BLK: variants seen among roughly 807,000 people sequenced by gnomAD.
BLK encodes the protein tyrosine-protein kinase Blk.
In BLK, 64 loss-of-function variants were observed where a neutral mutation model predicts 61.8. The observed-to-expected ratio is 1.03, with a 90% confidence interval of 0.85 to 1.27. The LOEUF (loss-of-function observed/expected upper bound fraction) is 1.27. Ranked by LOEUF, BLK falls within the 50% of genes most tolerant of loss-of-function variation. The pLI, the probability that BLK is intolerant of heterozygous loss-of-function variation, is 0.00. For synonymous variants in BLK, 351 were observed against 272.0 expected, an observed-to-expected ratio of 1.29 and a Z score of -2.86; for missense variants, 853 against 660.5, an observed-to-expected ratio of 1.29 and a Z score of -3.19.
At chr8:11,525,963 G>A (rs1306341719) in intron 1 of BLK, among the ~76,000 whole-genome samples, 1 of 152,116 alleles carries the variant, frequency 6.6e-6, no homozygotes, top group Non-Finnish European at 1.5e-5. Context: ...ATTAGAGACA[G>A]GGTTTCACCA....
intron 6 of BLK, chr8:11,553,498 C>A (rs554773012): frequency 2.9e-6 from 1 of 340,258 alleles, no homozygotes; most frequent in Non-Finnish European, 5.9e-6. Flanking sequence ...AGTGAGGGGT[C>A]TAAAGCACCA....
chr8:11,564,023 A>G lies in BLK; in HGVS notation c.1433A>G (p.Glu478Gly), dbSNP rs1486585950. Residue 478 changes from glutamate (E) to glycine (G), a missense_variant, in exon 13 of 13, where the codon GAG (glutamate) becomes GGG (glycine). Physicochemically the swap from Glu to Gly is moderately conservative, Grantham distance 98 (BLOSUM62 -2). Coordinates refer to ENST00000259089, the MANE Select transcript of BLK (RefSeq NM_001715.3). ...VIAECWRSRP[E>G]ERPTFEFLQS... Reference sequence around the variant, plus strand: ...GCCGAGTGCTGGCGCAGCCGGCCCGAGGAGCGGCCCACCTTCGAGTTCCTG... The same window carrying G: ...GCCGAGTGCTGGCGCAGCCGGCCCGGGGAGCGGCCCACCTTCGAGTTCCTG... The G allele has an allele frequency of 6.2e-7, 1 of 1,604,894 alleles. No homozygotes were observed. The highest frequency in any genetic ancestry group is 8.5e-7 in the Non-Finnish European group (1 of 1,178,914).
At chr8:11,531,895 G>C (rs933048908) in intron 1 of BLK, among the ~76,000 whole-genome samples, 3 of 152,192 alleles carry the variant, frequency 2.0e-5, no homozygotes, top group Non-Finnish European at 4.4e-5. Context: ...GTCTCGCCCT[G>C]TTGCCCAGGC....
rs1801502169 is a variant in BLK at position 11,561,412 on chromosome 8, C to T, written c.1140C>T (p.Gly380=). ...EALCCKIADF[G]LARIIDSEYT... Reference sequence around the variant, plus strand: ...TGTGCTGCAAAATTGCTGATTTTGGCTTGGCTCGAATCATCGACAGTGAAT... The same window carrying T: ...TGTGCTGCAAAATTGCTGATTTTGGTTTGGCTCGAATCATCGACAGTGAAT... Residue 380 remains glycine, a synonymous_variant, in exon 11 of 13, where the codon GGC becomes GGT. Transcript: ENST00000259089. The T allele has an allele frequency of 1.2e-6, 2 of 1,613,840 alleles. No individual in the cohort carries two copies. The highest frequency in any genetic ancestry group is 1.7e-6 in the Non-Finnish European group (2 of 1,179,938).
chr8:11,534,098 G>C (rs2117393019), intron 1 of BLK, among the ~76,000 whole-genome samples: 1 of 152,318 alleles, frequency 6.6e-6, no homozygotes, highest in South Asian at 2.1e-4. Flanking sequence ...AGCACTGCTG[G>C]GGCTGGGGTT....
intron 10 of BLK, 136 bp from the exon 11 acceptor site, chr8:11,561,166 C>T: frequency 1.6e-6 from 2 of 1,263,034 alleles, no homozygotes; most frequent in Non-Finnish European, 2.2e-6. Context: ...AGGAGCAACA[C>T]AGTCACCTTT....
chr8:11,533,818 A>T (rs1800001303), intron 1 of BLK, among the ~76,000 whole-genome samples: 1 of 152,264 alleles, frequency 6.6e-6, no homozygotes, highest in South Asian at 2.1e-4. Flanking sequence ...CTATGCAGAA[A>T]TATACTAATA....
chr8:11,531,856 G>GTTGT (rs948384316), intron 1 of BLK, among the ~76,000 whole-genome samples: 1 of 152,016 alleles, frequency 6.6e-6, no homozygotes. Flanking sequence ...TAGAGTTTTG[G>GTTGT]TTGTTTGTTT....
In BLK at chr8:11,522,675, TAAA is replaced by T. The variant is rs539018189; in HGVS notation, c.-1-20538_-1-20536del. ...ATTCACTTAATAGAAAAGGATACAG[TAAA>T]AAAAAAAAAAGCACTGGGAATCTGT... On this transcript the variant is annotated intron_variant, in intron 1 of 12. Transcript: ENST00000259089. Among the ~76,000 whole-genome samples, 859 of 115,500 alleles carry T rather than the reference TAAA, an allele frequency of 7.4e-3. 7 individuals are homozygous for T. The highest frequency in any genetic ancestry group is 0.026 in the Middle Eastern group (5 of 196). The allele number at this position is 115,500 out of a possible 152,430, so 75.8% of individuals were successfully genotyped here. A position where few individuals can be genotyped will look rare whatever the true frequency, so the allele number is the denominator to read the frequency against.
intron 1 of BLK, among the ~76,000 whole-genome samples, chr8:11,537,101 A>G (rs867201903): frequency 1.3e-5 from 2 of 152,348 alleles, no homozygotes; most frequent in Middle Eastern, 6.8e-3. Flanking sequence ...GGTCAGTATT[A>G]GGGCAAAGGT....
intron 1 of BLK, among the ~76,000 whole-genome samples, chr8:11,524,202 T>C (rs1799560783): frequency 6.6e-6 from 1 of 152,220 alleles, no homozygotes; most frequent in South Asian, 2.1e-4. Flanking sequence ...ATATATAATT[T>C]ATACTGTACT....
At chr8:11,502,504 T>C (rs547525895) in intron 1 of BLK, among the ~76,000 whole-genome samples, 14 of 152,206 alleles carry the variant, frequency 9.2e-5, no homozygotes, top group African/African-American at 3.4e-4. Context: ...GCCAGGCTGG[T>C]CTTGAACTCC....
chr8:11,560,661 T>C (rs1801466715), intron 10 of BLK: 2 of 354,102 alleles, frequency 5.6e-6, no homozygotes, highest in East Asian at 7.5e-5. Context: ...GACAAGTCTC[T>C]TCTTCTTCAC....
At chr8:11,553,766 C>A (rs1479365717) in intron 6 of BLK, among the ~76,000 whole-genome samples, 1 of 152,120 alleles carries the variant, frequency 6.6e-6, no homozygotes, top group Non-Finnish European at 1.5e-5. Flanking sequence ...TCTGGGTGTC[C>A]TTTTGCAAGT....
At chr8:11,553,481 C>T in intron 6 of BLK, 1 of 390,522 alleles carries the variant, frequency 2.6e-6, no homozygotes, top group South Asian at 1.9e-5. Flanking sequence ...CTCAGAGCAG[C>T]CAGGCAAGTG....
chr8:11,536,755 T>C lies in BLK; in HGVS notation c.-1-6469T>C, dbSNP rs1001724658. Among the ~76,000 whole-genome samples, 4 of 152,182 alleles carry C rather than the reference T, an allele frequency of 2.6e-5. No homozygotes were observed. In the East Asian group the frequency reaches 7.7e-4, roughly 29 times the overall value. On this transcript the variant is annotated intron_variant, in intron 1 of 12. Coordinates refer to ENST00000259089, the MANE Select transcript of BLK (RefSeq NM_001715.3). ...TGGAAGGTTTCATAAAAAATAGTTT[T>C]CATCTAAAAAAATCTGTTGTAGCCA...
chr8:11,555,788 G>C (rs1476882668), intron 8 of BLK: 3 of 456,100 alleles, frequency 6.6e-6, no homozygotes, highest in Non-Finnish European at 1.2e-5. Context: ...GCAGCGGCGC[G>C]TTAACTCCCC....
chr8:11,526,129 A>T (rs1243053034), intron 1 of BLK, among the ~76,000 whole-genome samples: 3 of 152,170 alleles, frequency 2.0e-5, no homozygotes, highest in Non-Finnish European at 4.4e-5. Context: ...AGAAATACTA[A>T]TGCCAATATC....
chr8:11,516,284 G>C (rs999416072), intron 1 of BLK, among the ~76,000 whole-genome samples: 1 of 152,216 alleles, frequency 6.6e-6, no homozygotes, highest in East Asian at 1.9e-4. Context: ...CAGTAACAAA[G>C]AACAGAAAGC....
Sources: allele counts gnomAD v4.1 joint callset (sites outside exome capture counted in the v4.1 genomes callset), GRCh38; gene constraint gnomAD v4.1.1; transcripts MANE v1.5; gene names NCBI Gene and HGNC (gene_info 2026-07-23, HGNC 2026-07-21).